The following SLC9A9 variants were observed in gnomAD, a reference collection of about 807,000 sequenced individuals.
The protein encoded by SLC9A9 is solute carrier family 9 member A9.
SLC9A9 carries 62 observed loss-of-function variants against 77.8 expected under a neutral mutation model. The observed-to-expected ratio is 0.80, with a 90% CI of 0.65 to 0.98. The LOEUF (loss-of-function observed/expected upper bound fraction) is 0.98. Ranked by LOEUF, SLC9A9 falls within the 50% of genes least tolerant of loss-of-function variation. The probability of loss-of-function intolerance (pLI) is 0.00; values close to 1 mark genes in which losing one functional copy is unlikely to be tolerated. For missense variants in SLC9A9, 775 were observed against 774.9 expected (o/e 1.00, Z 0.00); for synonymous variants, 320 against 283.5 (o/e 1.13, Z -1.29).
chr3:143,635,143 C>G (rs941236113), intron 6 of SLC9A9, among the ~76,000 whole-genome samples: 17 of 152,194 alleles, frequency 1.1e-4, no homozygotes, highest in Admixed American at 1.1e-3. Context: ...AATGGGGTTG[C>G]AGGATCCACT....
chr3:143,578,542 T>C (rs1368733681), intron 7 of SLC9A9, 43 bp downstream of exon 7: 2 of 1,613,436 alleles, frequency 1.2e-6, no homozygotes, highest in Admixed American at 1.7e-5. Flanking sequence ...GGATACTGAC[T>C]GTTCTTGACA....
At chr3:143,821,399 T>G (rs1222282600) in intron 2 of SLC9A9, among the ~76,000 whole-genome samples, 1 of 152,214 alleles carries the variant, frequency 6.6e-6, no homozygotes, top group Non-Finnish European at 1.5e-5. Flanking sequence ...AAGGTAAATC[T>G]CATCTCAGAG....
chr3:143,584,946 C>G (rs565891308), intron 6 of SLC9A9, among the ~76,000 whole-genome samples: 17 of 152,322 alleles, frequency 1.1e-4, no homozygotes, highest in African/African-American at 3.8e-4. Flanking sequence ...CCAGTGTCTG[C>G]TGGTGATGGA....
At chr3:143,599,692 A>C (rs1279433322) in intron 6 of SLC9A9, among the ~76,000 whole-genome samples, 1 of 152,222 alleles carries the variant, frequency 6.6e-6, no homozygotes, top group African/African-American at 2.4e-5. Context: ...AATTCCTTCA[A>C]GGCATCCTTA....
chr3:143,425,579 A>G (rs1245667375), intron 12 of SLC9A9, among the ~76,000 whole-genome samples: 1 of 152,114 alleles, frequency 6.6e-6, no homozygotes, highest in Non-Finnish European at 1.5e-5. Flanking sequence ...CTTAATGTCA[A>G]ACTGAAAAAA....
At chr3:143,632,527 C>G (rs2038444719) in intron 6 of SLC9A9, among the ~76,000 whole-genome samples, 1 of 152,264 alleles carries the variant, frequency 6.6e-6, no homozygotes, top group Admixed American at 6.5e-5. Flanking sequence ...GACCACCACA[C>G]AGTAACATTA....
At chr3:143,550,058 C>T (rs1329604867) in intron 9 of SLC9A9, among the ~76,000 whole-genome samples, 4 of 152,116 alleles carry the variant, frequency 2.6e-5, no homozygotes, top group Admixed American at 2.0e-4. Context: ...GAGGCATTTG[C>T]AGTGATAGGC....
chr3:143,285,530 C>CT (rs1343185463), intron 14 of SLC9A9, among the ~76,000 whole-genome samples: 1 of 152,226 alleles, frequency 6.6e-6, no homozygotes, highest in Non-Finnish European at 1.5e-5. Context: ...CATGCCCCCT[C>CT]TTTAACTCTG....
At position 143,772,446 on chromosome 3, in the gene SLC9A9, G is replaced by A. The variant is rs1368975940; in HGVS notation, c.533+22555C>T. On this transcript the variant is annotated intron_variant, in intron 4 of 15. Coordinates refer to ENST00000316549, the MANE Select transcript of SLC9A9 (RefSeq NM_173653.4). ...GGCTTGAGGATTAAAATGTATTCAA[G>A]TACAGATATTTGGGAAGGAAGGTTC... 3.3e-5 allele frequency among the ~76,000 whole-genome samples: 5 copies of A among 152,190 alleles called. No individual in the cohort carries two copies. The East Asian group carries it at 7.7e-4, about 23-fold the overall frequency.
At chr3:143,557,711 T>G (rs1039979753) in intron 8 of SLC9A9, among the ~76,000 whole-genome samples, 2 of 152,240 alleles carry the variant, frequency 1.3e-5, no homozygotes, top group African/African-American at 4.8e-5. Flanking sequence ...GTGGCATTTT[T>G]GCCCCTGCCC....
At chr3:143,328,800 A>G (rs1369680606) in intron 14 of SLC9A9, among the ~76,000 whole-genome samples, 1 of 152,138 alleles carries the variant, frequency 6.6e-6, no homozygotes, top group South Asian at 2.1e-4. Context: ...TCGCTTCGTT[A>G]TGGACCCCAG....
At chr3:143,669,246 T>C (rs1487511549) in intron 5 of SLC9A9, among the ~76,000 whole-genome samples, 1 of 152,222 alleles carries the variant, frequency 6.6e-6, no homozygotes, top group Non-Finnish European at 1.5e-5. Context: ...TTTGTCTCAA[T>C]GTACAATGTC....
intron 9 of SLC9A9, among the ~76,000 whole-genome samples, chr3:143,519,661 T>G (rs2036262589): frequency 6.6e-6 from 1 of 152,116 alleles, no homozygotes; most frequent in Non-Finnish European, 1.5e-5. Flanking sequence ...AAAGCCTGGT[T>G]AGAAGGTTAT....
intron 2 of SLC9A9, among the ~76,000 whole-genome samples, chr3:143,817,280 C>G (rs965820670): frequency 2.0e-5 from 3 of 151,054 alleles, no homozygotes; most frequent in Non-Finnish European, 4.4e-5. Context: ...TCCCGAGTAG[C>G]TGGGACTACA....
chr3:143,764,384 G>A (rs536067837), intron 4 of SLC9A9, among the ~76,000 whole-genome samples: 15 of 152,208 alleles, frequency 9.9e-5, no homozygotes, highest in East Asian at 5.8e-4. Flanking sequence ...AATTCTTTCC[G>A]TCCTTGGAAT....
chr3:143,273,269 G>A (rs961553425), intron 14 of SLC9A9, among the ~76,000 whole-genome samples: 1 of 152,182 alleles, frequency 6.6e-6, no homozygotes, highest in African/African-American at 2.4e-5. Context: ...TGGACTGAAT[G>A]TCTGCATCCC....
chr3:143,685,055 T>C (rs1933220170), intron 5 of SLC9A9, among the ~76,000 whole-genome samples: 1 of 152,114 alleles, frequency 6.6e-6, no homozygotes, highest in African/African-American at 2.4e-5. Flanking sequence ...CATATATCTT[T>C]ATAGCAGTGC....
chr3:143,380,156 G>A (rs1377818894), intron 13 of SLC9A9, among the ~76,000 whole-genome samples: 2 of 152,262 alleles, frequency 1.3e-5, no homozygotes, highest in East Asian at 3.9e-4. Flanking sequence ...ACTGTTCTAT[G>A]TTATGCTATC....
intron 4 of SLC9A9, among the ~76,000 whole-genome samples, chr3:143,730,785 G>C (rs534031309): frequency 6.6e-6 from 1 of 152,094 alleles, no homozygotes; most frequent in East Asian, 1.9e-4. Flanking sequence ...GATAATGGAT[G>C]GATGGGTGAA....
Sources: gnomAD v4.1 joint callset for allele counts (sites outside exome capture counted in the v4.1 genomes callset) on GRCh38, gnomAD v4.1.1 for gene constraint, MANE v1.5 for transcripts, NCBI Gene and HGNC (gene_info 2026-07-23, HGNC 2026-07-21) for gene names.